Variants in ME1 observed in about 807,000 individuals in gnomAD.
The protein encoded by ME1 is NADP-dependent malic enzyme.
In ME1, 74 loss-of-function variants were observed where a neutral mutation model predicts 66.4. The observed-to-expected ratio is 1.11, with a 90% CI of 0.92 to 1.35. ME1 has a LOEUF of 1.35. ME1 is among the 40% of genes most tolerant of loss of function. The pLI is 0.00. For synonymous variants in ME1, 251 were observed against 235.6 expected, an observed-to-expected ratio of 1.07 and a Z score of -0.60; for missense variants, 750 against 694.1, an observed-to-expected ratio of 1.08 and a Z score of -0.90.
intron 6 of ME1, among the ~76,000 whole-genome samples, chr6:83,265,610 A>G (rs780618087): frequency 1.3e-5 from 2 of 152,052 alleles, no homozygotes; most frequent in African/African-American, 2.4e-5. Context: ...CTTAAACACA[A>G]CTTTTCACTG....
At chr6:83,226,846 T>C (rs998059923) in intron 11 of ME1, among the ~76,000 whole-genome samples, 2 of 152,150 alleles carry the variant, frequency 1.3e-5, no homozygotes, top group Non-Finnish European at 2.9e-5. Flanking sequence ...TAAATCATAG[T>C]AAAATGTTGA....
At chr6:83,265,912 T>G (rs1027155155) in intron 6 of ME1, among the ~76,000 whole-genome samples, 13 of 152,208 alleles carry the variant, frequency 8.5e-5, no homozygotes, top group African/African-American at 2.9e-4. Flanking sequence ...TGAACAAGTA[T>G]TTTGTGAACT....
At chr6:83,329,571 TAAC>T (rs1182426535) in intron 5 of ME1, among the ~76,000 whole-genome samples, 3 of 152,178 alleles carry the variant, frequency 2.0e-5, no homozygotes, top group African/African-American at 7.2e-5. Context: ...ATATAAGAAG[TAAC>T]AATAAATTCA....
chr6:83,223,240 G>A (rs1790125719), intron 12 of ME1, among the ~76,000 whole-genome samples: 1 of 152,180 alleles, frequency 6.6e-6, no homozygotes, highest in Admixed American at 6.5e-5. Flanking sequence ...TGCAACCTCT[G>A]CCTCCTGGAT....
chr6:83,288,265 T>C (rs752676279), intron 6 of ME1, among the ~76,000 whole-genome samples: 5 of 152,206 alleles, frequency 3.3e-5, no homozygotes, highest in Non-Finnish European at 5.9e-5. Context: ...CTAGGTTTTC[T>C]TCTAGGATTT....
chr6:83,255,180 A>C (rs1766741712), intron 6 of ME1, among the ~76,000 whole-genome samples: 1 of 151,800 alleles, frequency 6.6e-6, no homozygotes, highest in Non-Finnish European at 1.5e-5. Flanking sequence ...TGTTTGTTTT[A>C]TTACTAGTGT....
intron 1 of ME1, among the ~76,000 whole-genome samples, chr6:83,429,298 A>G (rs1461945598): frequency 6.6e-6 from 1 of 152,174 alleles, no homozygotes; most frequent in Non-Finnish European, 1.5e-5. Context: ...TTCTTGATGT[A>G]AGCATAGTAA....
intron 9 of ME1, among the ~76,000 whole-genome samples, chr6:83,235,092 T>C (rs1200770146): frequency 6.6e-6 from 1 of 152,190 alleles, no homozygotes; most frequent in African/African-American, 2.4e-5. Context: ...AAGATATCCA[T>C]GGAGACCCTA....
chr6:83,257,508 T>C (rs1403986993), intron 6 of ME1, among the ~76,000 whole-genome samples: 1 of 152,108 alleles, frequency 6.6e-6, no homozygotes, highest in African/African-American at 2.4e-5. Flanking sequence ...TGTAAATCAC[T>C]AAAGACAAAA....
chr6:83,317,699 T>A (rs1216433202), intron 5 of ME1, among the ~76,000 whole-genome samples: 1 of 152,188 alleles, frequency 6.6e-6, no homozygotes, highest in Non-Finnish European at 1.5e-5. Context: ...GTAGGAAGAA[T>A]CAATATCGTG....
intron 1 of ME1, among the ~76,000 whole-genome samples, chr6:83,411,263 C>G (rs1307023309): frequency 6.6e-6 from 1 of 152,008 alleles, no homozygotes; most frequent in Non-Finnish European, 1.5e-5. Flanking sequence ...ACTTGGGAGG[C>G]TGAGGCAGAA....
At position 83,211,136 on chromosome 6, in the gene ME1, G is replaced by A. The variant is rs190433950; in HGVS notation, c.*788C>T. ...TCCTTTCAGACCTTCTCACTGCTCAGGCTGTGCTGAACTGAAGGTGCCAAC... is the reference window on the plus strand; with the variant it reads ...TCCTTTCAGACCTTCTCACTGCTCAAGCTGTGCTGAACTGAAGGTGCCAAC... On this transcript the variant is annotated 3_prime_UTR_variant, in exon 14 of 14. Coordinates refer to ENST00000369705, the MANE Select transcript of ME1 (RefSeq NM_002395.6). 72 of 152,258 alleles carry A rather than the reference G, an allele frequency of 4.7e-4. 1 individual carries two copies. The highest frequency in any genetic ancestry group is 1.5e-3 in the African/African-American group (64 of 41,560). 9.4% of individuals were successfully genotyped at this position (152,258 alleles called of 1,614,324 possible).
chr6:83,246,284 T>A (rs1033424286), intron 7 of ME1, among the ~76,000 whole-genome samples: 1 of 152,168 alleles, frequency 6.6e-6, no homozygotes, highest in Admixed American at 6.6e-5. Context: ...GTTGAAATAG[T>A]TATTCATAAA....
rs1044300288 is a variant in ME1 at position 83,332,665 on chromosome 6, A to G, written c.600+13508T>C. On this transcript the variant is annotated intron_variant, in intron 5 of 13. Transcript: ENST00000369705. Reference sequence around the variant, plus strand: ...TGAAATAACTTAGGAATGGAAGACCAAATACTGCATATTTTCACTTATAAG... The same window carrying G: ...TGAAATAACTTAGGAATGGAAGACCGAATACTGCATATTTTCACTTATAAG... 3.3e-5 allele frequency among the ~76,000 whole-genome samples: 5 copies of G among 152,220 alleles called. No homozygotes were observed. The East Asian group carries it at 9.6e-4, about 29-fold the overall frequency.
Position 83,211,867 on chromosome 6 carries a change from A to C in ME1, c.*57T>G. On this transcript the variant is annotated 3_prime_UTR_variant, in exon 14 of 14. Transcript: ENST00000369705. ...TCATTATAAAAGATTCCAACCTTTA[A>C]AAATTATGAAAGGTTTAAAGACCTC... 8.2e-7 allele frequency: 1 copy of C among 1,217,248 alleles called. No individual in the cohort carries two copies. The highest frequency in any genetic ancestry group is 1.1e-6 in the Non-Finnish European group (1 of 914,068). 75.4% of individuals were successfully genotyped at this position (1,217,248 alleles called of 1,614,324 possible).
rs564538318 is a variant in ME1, at chr6:83,227,094, A to C, written c.1275+241T>G. ...GTTTAAATCTTAGATATCTATTTCC[A>C]AATCACTTGTGGAAAATTATCAGTA... On this transcript the variant is annotated intron_variant, in intron 11 of 13. Coordinates refer to ENST00000369705, the MANE Select transcript of ME1 (RefSeq NM_002395.6). 5.3e-5 allele frequency among the ~76,000 whole-genome samples: 8 copies of C among 152,254 alleles called. No individual in the cohort carries two copies. The East Asian group carries it at 1.5e-3, about 29-fold the overall frequency.
chr6:83,232,506 A>C (rs1193198869), intron 9 of ME1, among the ~76,000 whole-genome samples: 2 of 152,176 alleles, frequency 1.3e-5, no homozygotes, highest in Non-Finnish European at 2.9e-5. Context: ...ATAATTTTCT[A>C]AGACTCATGC....
intron 2 of ME1, among the ~76,000 whole-genome samples, chr6:83,404,593 C>A (rs1214859487): frequency 1.3e-5 from 2 of 152,122 alleles, no homozygotes; most frequent in Non-Finnish European, 2.9e-5. Flanking sequence ...ATGCCTATGT[C>A]CTGAATGTAT....
At chr6:83,416,538 A>T (rs1425419622) in intron 1 of ME1, among the ~76,000 whole-genome samples, 1 of 152,200 alleles carries the variant, frequency 6.6e-6, no homozygotes, top group African/African-American at 2.4e-5. Flanking sequence ...TCTTTTTCAC[A>T]AACTCTATGA....
Sources: allele counts gnomAD v4.1 joint callset (sites outside exome capture counted in the v4.1 genomes callset), GRCh38; gene constraint gnomAD v4.1.1; transcripts MANE v1.5; gene names NCBI Gene and HGNC (gene_info 2026-07-23, HGNC 2026-07-21).